NHLH2: variants seen among roughly 807,000 people sequenced by gnomAD.
The protein encoded by NHLH2 is nescient helix-loop-helix 2, also known as helix-loop-helix protein 2.
Under a neutral mutation model 7.3 loss-of-function variants are expected in NHLH2, and 7 were observed. The ratio of observed to expected loss-of-function variants is 0.96; its 90% confidence interval spans 0.55 to 1.81. The LOEUF is 1.81. Among genes scored for constraint, NHLH2 ranks in the 40% most tolerant of loss-of-function variants. The pLI is 0.00. For missense variants in NHLH2, 155 were observed against 194.0 expected (o/e 0.80, Z 1.19); for synonymous variants, 93 against 91.6 (o/e 1.01, Z -0.09).
Position 115,837,941 on chromosome 1 carries a change from CG to C in NHLH2, c.*23del, listed in dbSNP as rs1330432267. 6.3e-7 allele frequency: 1 copy of C among 1,581,362 alleles called. No homozygotes were observed. Among genetic ancestry groups the C allele is most frequent in the Non-Finnish European group, 8.6e-7 (1 of 1,166,524 alleles). Reference sequence around the variant, plus strand: ...AGCGTTTCGCGGACGCCGGGACAGGCGGCCCCCCGCGGCGCACCCCGCCCTA... The same window carrying C: ...AGCGTTTCGCGGACGCCGGGACAGGCGCCCCCCGCGGCGCACCCCGCCCTA... On this transcript the variant is annotated 3_prime_UTR_variant, in exon 3 of 3. Transcript: ENST00000320238.
chr1:115,840,281 G>A lies in NHLH2; in HGVS notation c.-74C>T, dbSNP rs557205636. 2 of 167,016 alleles carry A rather than the reference G, an allele frequency of 1.2e-5. No homozygotes were observed. The highest frequency in any genetic ancestry group is 2.9e-5 in the Non-Finnish European group (2 of 68,118). The allele number at this position is 167,016 out of a possible 1,614,324, so 10.3% of individuals were successfully genotyped here. On this transcript the variant is annotated 5_prime_UTR_variant, in exon 2 of 3. Transcript: ENST00000320238. ...GAGTTAAAATTCCAAGGAATAGCGA[G>A]GGGAGATTCCGGAAAATATTAAAAG...
Position 115,838,201 on chromosome 1 carries a change from GGTA to G in NHLH2, c.169_171del (p.Tyr57del), listed in dbSNP as rs1557829805. 1 of 1,565,304 alleles carries G rather than the reference GGTA, an allele frequency of 6.4e-7. No individual in the cohort carries two copies. Among genetic ancestry groups the G allele is most frequent in the Non-Finnish European group, 8.6e-7 (1 of 1,157,018 alleles). On this transcript the variant is annotated inframe_deletion, in exon 3 of 3. Transcript: ENST00000320238. ...TCGCGGCTCAGCTGCTGCGGGTGCG[GGTA>G]GAGCGCGGCTCGGCTGCCGCCCTTG...
At chr1:115,832,005 G>A (rs182917894), downstream of NHLH2, among the ~76,000 whole-genome samples, 23 of 151,992 alleles carry the variant, frequency 1.5e-4, no homozygotes, top group Admixed American at 2.6e-4. Context: ...GTGAGTGCCC[G>A]CTCATCCCCC....
At chr1:115,833,669 G>T (rs914823382), downstream of NHLH2, among the ~76,000 whole-genome samples, 12 of 152,130 alleles carry the variant, frequency 7.9e-5, no homozygotes, top group African/African-American at 2.9e-4. Flanking sequence ...TACCTCACTG[G>T]GTGGTTGTGA....
chr1:115,839,859 T>C (rs1484697863), intron 2 of NHLH2: 8 of 167,132 alleles, frequency 4.8e-5, no homozygotes, highest in Non-Finnish European at 1.2e-4. Context: ...AATCAGGTCC[T>C]CTACGGCAAA....
chr1:115,838,540 T>C, intron 2 of NHLH2, 160 bp from the exon 3 acceptor site: 1 of 731,474 alleles, frequency 1.4e-6, no homozygotes, highest in Non-Finnish European at 2.1e-6. Context: ...GCCGATAGGA[T>C]CTGGCCCGAG....
intron 2 of NHLH2, 105 bp downstream of exon 2, chr1:115,840,111 C>G (rs1248245026): frequency 6.0e-6 from 1 of 166,910 alleles, no homozygotes; most frequent in Non-Finnish European, 1.5e-5. Context: ...AAATAGTATG[C>G]CGTGTATGCG....
At chr1:115,831,730 G>C (rs937112397), downstream of NHLH2, among the ~76,000 whole-genome samples, 1 of 152,006 alleles carries the variant, frequency 6.6e-6, no homozygotes, top group Non-Finnish European at 1.5e-5. Context: ...AGACCAGCCT[G>C]GCCAACATGG....
At position 115,838,034 on chromosome 1, in the gene NHLH2, G is replaced by A. The variant is rs1393171020; in HGVS notation, c.339C>T (p.Leu113=). Reference sequence around the variant, plus strand: ...CCAGGCGCAGGATCTCGATCTTGGAGAGCTTCTTGTCCGGGGGCAGCGTGG... The same window carrying A: ...CCAGGCGCAGGATCTCGATCTTGGAAAGCTTCTTGTCCGGGGGCAGCGTGG... The part of the protein sequence containing the change: ...LLPTLPPDKK[L]SKIEILRLAI... The change falls in exon 3 of 3, where the codon CTC becomes CTT. Residue 113 remains leucine (L), a synonymous_variant. Transcript: ENST00000320238. The A allele has an allele frequency of 1.2e-6, 2 of 1,610,592 alleles. No homozygotes were observed. The highest frequency in any genetic ancestry group is 1.7e-6 in the Non-Finnish European group (2 of 1,178,604).
In NHLH2 at chr1:115,836,907, T is replaced by A. The variant is rs1650885578; in HGVS notation, c.*1058A>T. On this transcript the variant is annotated 3_prime_UTR_variant, in exon 3 of 3. Transcript: ENST00000320238. ...AACAAACATCTTAATATATAAAATA[T>A]GTTTAGAAACAGGGAGAAGTGGGAA... is the stretch of plus-strand genomic sequence containing the variant. The A allele has an allele frequency of 6.6e-6, 1 of 152,242 alleles. No homozygotes were observed. The highest frequency in any genetic ancestry group is 1.5e-5 in the Non-Finnish European group (1 of 68,036). 9.4% of individuals were successfully genotyped at this position (152,242 alleles called of 1,614,324 possible).
chr1:115,835,225 T>C (rs1157182055), downstream of NHLH2, among the ~76,000 whole-genome samples: 2 of 152,158 alleles, frequency 1.3e-5, no homozygotes, highest in Non-Finnish European at 2.9e-5. Flanking sequence ...GTTGGGCCCC[T>C]AAACTGGGAA....
At position 115,838,209 on chromosome 1, in the gene NHLH2, G is replaced by A. The variant is rs1451716726; in HGVS notation, c.164C>T (p.Ala55Val). Reference sequence around the variant, plus strand: ...CAGCTGCTGCGGGTGCGGGTAGAGCGCGGCTCGGCTGCCGCCCTTGCCGTC... The same window carrying A: ...CAGCTGCTGCGGGTGCGGGTAGAGCACGGCTCGGCTGCCGCCCTTGCCGTC... ...EGDGKGGSRA[A>V]LYPHPQQLSR... The change falls in exon 3 of 3, where the codon GCG (alanine) becomes GTG (valine). Residue 55 changes from alanine to valine, a missense_variant. Ala to Val is a moderately conservative substitution (Grantham distance 64). This residue lies in a region of NHLH2 where 91 missense variants were observed against 86.6 expected (regional missense o/e 1.05). Coordinates refer to ENST00000320238, the MANE Select transcript of NHLH2 (RefSeq NM_005599.3). 5 of 1,560,478 alleles carry A rather than the reference G, an allele frequency of 3.2e-6. No homozygotes were observed. The highest frequency in any genetic ancestry group is 3.8e-5 in the Admixed American group (2 of 52,140).
At chr1:115,833,480 A>AGGG (rs148571676), downstream of NHLH2, among the ~76,000 whole-genome samples, 2 of 151,832 alleles carry the variant, frequency 1.3e-5, no homozygotes, top group African/African-American at 4.8e-5. Flanking sequence ...GCAGGCACCA[A>AGGG]GGGGGGTGGT....
At position 115,837,970 on chromosome 1, in the gene NHLH2, C is replaced by A. The variant is rs1177134832; in HGVS notation, c.403G>T (p.Val135Leu). 2 of 1,599,378 alleles carry A rather than the reference C, an allele frequency of 1.3e-6. No individual in the cohort carries two copies. The highest frequency in any genetic ancestry group is 1.7e-4 in the Middle Eastern group (1 of 6,002). Residue 135 changes from valine to leucine, a missense_variant, in exon 3 of 3, where the codon GTG (valine) becomes TTG (leucine). Physicochemically the swap from Val to Leu is conservative, Grantham distance 32. This residue lies in a region of NHLH2 where 64 missense variants were observed against 107.4 expected (regional missense o/e 0.60). Coordinates refer to ENST00000320238, the MANE Select transcript of NHLH2 (RefSeq NM_005599.3). ...CCCCCGCGGCGCACCCCGCCCTACA[C>A]GTCCAGGACGTGGTTGAGATAGGAG... ...YISYLNHVLDV is the reference protein window; with the variant it reads ...YISYLNHVLDL
Position 115,837,965 on chromosome 1 carries a change from C to G in NHLH2, c.408G>C (p.Ter136TyrextTer92). ...ISYLNHVLDV[*>Y] is the part of the protein sequence containing the mutation. ...GCGGCCCCCCGCGGCGCACCCCGCC[C>G]TACACGTCCAGGACGTGGTTGAGAT... The change falls in exon 3 of 3, where the codon TAG (stop) becomes TAC (tyrosine). Residue 136 changes from the stop codon to tyrosine (Y), a stop_lost. Transcript: ENST00000320238. The G allele has an allele frequency of 6.3e-7, 1 of 1,597,028 alleles. No homozygotes were observed. The highest frequency in any genetic ancestry group is 8.5e-7 in the Non-Finnish European group (1 of 1,173,500).
downstream of NHLH2, among the ~76,000 whole-genome samples, chr1:115,833,267 C>T (rs1292400427): frequency 6.6e-6 from 1 of 152,134 alleles, no homozygotes; most frequent in African/African-American, 2.4e-5. Flanking sequence ...TGTTTTCTTG[C>T]AAAGTAGAAA....
downstream of NHLH2, among the ~76,000 whole-genome samples, chr1:115,835,831 G>C (rs1194296411): frequency 6.9e-6 from 1 of 145,554 alleles, no homozygotes; most frequent in East Asian, 2.1e-4. Flanking sequence ...CTTATCTCAA[G>C]GTTGGTCCAG....
At chr1:115,832,437 G>A (rs1022769490), downstream of NHLH2, among the ~76,000 whole-genome samples, 18 of 152,142 alleles carry the variant, frequency 1.2e-4, no homozygotes, top group Admixed American at 3.3e-4. Flanking sequence ...TAATTCCTGT[G>A]CATATTATAA....
downstream of NHLH2, among the ~76,000 whole-genome samples, chr1:115,833,522 G>T (rs1339848505): frequency 6.6e-6 from 1 of 152,126 alleles, no homozygotes; most frequent in Non-Finnish European, 1.5e-5. Context: ...CTCTATCAAA[G>T]GACAACTCTA....
Sources: gnomAD v4.1 joint callset for allele counts (sites outside exome capture counted in the v4.1 genomes callset) on GRCh38, gnomAD v4.1.1 for gene constraint, gnomAD v4.1.1 regional missense constraint, MANE v1.5 for transcripts, NCBI Gene and HGNC (gene_info 2026-07-23, HGNC 2026-07-21) for gene names.